The following CDK14 variants were observed in gnomAD, a reference collection of about 807,000 sequenced individuals.
The protein encoded by CDK14 is cyclin dependent kinase 14, also known as cyclin-dependent kinase 14.
CDK14 carries 34 observed loss-of-function variants against 60.7 expected under a neutral mutation model. The observed-to-expected ratio is 0.56, with a 90% CI of 0.43 to 0.75. The LOEUF is 0.75. Ranked by LOEUF, CDK14 falls within the 30% of genes least tolerant of loss-of-function variation. The pLI, the probability that CDK14 is intolerant of heterozygous loss-of-function variation, is 0.00. For synonymous variants in CDK14, 197 were observed against 203.7 expected (o/e 0.97, Z 0.28); for missense variants, 482 against 564.1 (o/e 0.85, Z 1.47).
intron 10 of CDK14, among the ~76,000 whole-genome samples, chr7:91,023,014 AT>A (rs764692685): frequency 1.2e-4 from 12 of 97,544 alleles, no homozygotes; most frequent in Non-Finnish European, 2.0e-4. Context: ...TGAAGTATAT[AT>A]TTTTTTTTTT....
At chr7:90,659,835 G>T (rs1049854077) in intron 2 of CDK14, among the ~76,000 whole-genome samples, 4 of 94,598 alleles carry the variant, frequency 4.2e-5, no homozygotes, top group Non-Finnish European at 6.2e-5. Context: ...GCCAGGGAAT[G>T]CTTCTCTCTC....
intron 10 of CDK14, among the ~76,000 whole-genome samples, chr7:90,991,727 AC>A (rs1795543132): frequency 6.6e-6 from 1 of 152,180 alleles, no homozygotes; most frequent in African/African-American, 2.4e-5. Context: ...CACAGAAAAC[AC>A]ACATGGGTTT....
intron 6 of CDK14, among the ~76,000 whole-genome samples, chr7:90,865,882 G>GT (rs1265057402): frequency 6.6e-6 from 1 of 152,126 alleles, no homozygotes; most frequent in Non-Finnish European, 1.5e-5. Context: ...AGGTCTTGTA[G>GT]TTTGTAAGAT....
chr7:90,671,809 A>G (rs1021991182), intron 2 of CDK14, among the ~76,000 whole-genome samples: 7 of 152,212 alleles, frequency 4.6e-5, no homozygotes, highest in African/African-American at 1.4e-4. Context: ...TTCCTTCAGC[A>G]TATGTAAAAA....
chr7:90,714,262 A>G (rs1324630492), intron 2 of CDK14, among the ~76,000 whole-genome samples: 1 of 152,072 alleles, frequency 6.6e-6, no homozygotes, highest in Non-Finnish European at 1.5e-5. Context: ...CCAGCAGCTT[A>G]TTCCTCAGGT....
At chr7:91,176,226 A>G (rs1801748109) in intron 14 of CDK14, among the ~76,000 whole-genome samples, 1 of 152,210 alleles carries the variant, frequency 6.6e-6, no homozygotes, top group African/African-American at 2.4e-5. Context: ...ACATAATGAA[A>G]TGAAGGCATA....
chr7:91,080,980 TAAGA>T (rs1798469143), intron 12 of CDK14, among the ~76,000 whole-genome samples: 2 of 152,216 alleles, frequency 1.3e-5, no homozygotes, highest in South Asian at 4.1e-4. Context: ...GAGCTTGAGG[TAAGA>T]TTTTAAAATT....
chr7:90,766,909 C>G (rs1804586923), intron 4 of CDK14, among the ~76,000 whole-genome samples: 1 of 152,190 alleles, frequency 6.6e-6, no homozygotes, highest in African/African-American at 2.4e-5. Flanking sequence ...CTCCCACACA[C>G]AGCTGCACGG....
chr7:90,770,849 T>C (rs530919510), intron 4 of CDK14, among the ~76,000 whole-genome samples: 4 of 152,318 alleles, frequency 2.6e-5, no homozygotes, highest in Admixed American at 6.5e-5. Flanking sequence ...CTGACAAGAC[T>C]ATCTCCATGA....
chr7:91,110,485 C>T (rs2116345716), intron 12 of CDK14, among the ~76,000 whole-genome samples: 1 of 152,212 alleles, frequency 6.6e-6, no homozygotes. Context: ...GGACTGCAGA[C>T]ATAATGTGGT....
chr7:90,712,143 A>G (rs2116650438), intron 2 of CDK14, among the ~76,000 whole-genome samples: 1 of 152,054 alleles, frequency 6.6e-6, no homozygotes, highest in East Asian at 1.9e-4. Context: ...TGAAATATAT[A>G]TAACACAAAT....
chr7:90,764,147 T>A (rs1804441422), intron 4 of CDK14, among the ~76,000 whole-genome samples: 1 of 152,196 alleles, frequency 6.6e-6, no homozygotes, highest in Non-Finnish European at 1.5e-5. Context: ...GAATCTGTAA[T>A]GCAGATTTGT....
At chr7:90,635,080 G>C (rs1800105933) in intron 2 of CDK14, among the ~76,000 whole-genome samples, 1 of 151,936 alleles carries the variant, frequency 6.6e-6, no homozygotes, top group Non-Finnish European at 1.5e-5. Context: ...CCATTTTGTA[G>C]GTTGCCTGTT....
At chr7:91,206,453 C>G (rs1009922973) in intron 14 of CDK14, among the ~76,000 whole-genome samples, 6 of 152,168 alleles carry the variant, frequency 3.9e-5, no homozygotes, top group African/African-American at 1.4e-4. Context: ...TGTTTCCACC[C>G]ATCCTGGCAA....
intron 10 of CDK14, among the ~76,000 whole-genome samples, chr7:91,028,031 A>G (rs185093565): frequency 2.3e-5 from 3 of 131,890 alleles, no homozygotes; most frequent in African/African-American, 8.7e-5. Flanking sequence ...ATTTTTTTTT[A>G]TCCCTCAACC....
At chr7:91,160,449 G>T (rs1801133297) in intron 14 of CDK14, among the ~76,000 whole-genome samples, 1 of 152,172 alleles carries the variant, frequency 6.6e-6, no homozygotes, top group Non-Finnish European at 1.5e-5. Context: ...GAGCAGGAAA[G>T]TCCCCAATCA....
intron 11 of CDK14, among the ~76,000 whole-genome samples, chr7:91,062,200 AG>A (rs1288331464): frequency 1.3e-5 from 2 of 152,180 alleles, no homozygotes; most frequent in Non-Finnish European, 2.9e-5. Context: ...CCTCCGAGCC[AG>A]GTGTGGGATA....
chr7:91,068,684 T>C (rs1239689436), intron 11 of CDK14, among the ~76,000 whole-genome samples: 3 of 151,992 alleles, frequency 2.0e-5, no homozygotes, highest in African/African-American at 7.3e-5. Context: ...TTCACTCGGT[T>C]CCCATAGCCC....
At chr7:90,710,211 A>G in intron 2 of CDK14, 1 of 985,300 alleles carries the variant, frequency 1.0e-6, no homozygotes, top group Non-Finnish European at 1.2e-6. Context: ...GTTTGTAAAC[A>G]CCAGTAGCAG....
Sources: allele counts gnomAD v4.1 joint callset (sites outside exome capture counted in the v4.1 genomes callset), GRCh38; gene constraint gnomAD v4.1.1; transcripts MANE v1.5; gene names NCBI Gene and HGNC (gene_info 2026-07-23, HGNC 2026-07-21).